Variants in CCDC85A observed in about 807,000 individuals in gnomAD.
CCDC85A encodes the protein coiled-coil domain-containing protein 85A.
In CCDC85A, 38 loss-of-function variants were observed where a neutral mutation model predicts 50.2. That is an observed-to-expected ratio of 0.76 (90% CI 0.58 to 0.99). The LOEUF is 0.99. Ranked by LOEUF, CCDC85A falls within the 50% of genes least tolerant of loss-of-function variation. CCDC85A has a pLI of 0.00. For missense variants in CCDC85A, 820 were observed against 742.0 expected (o/e 1.11, Z -1.22); for synonymous variants, 366 against 301.4 (o/e 1.21, Z -2.22).
intron 2 of CCDC85A, among the ~76,000 whole-genome samples, chr2:56,323,692 G>A (rs1159574312): frequency 6.6e-6 from 1 of 152,048 alleles, no homozygotes; most frequent in Non-Finnish European, 1.5e-5. Flanking sequence ...CTATACAAAA[G>A]GCTGATTGAC....
intron 2 of CCDC85A, among the ~76,000 whole-genome samples, chr2:56,280,062 C>T (rs1481375241): frequency 3.3e-5 from 5 of 152,322 alleles, no homozygotes; most frequent in Admixed American, 1.3e-4. Context: ...GAACTACATA[C>T]TATCCTCACC....
At chr2:56,301,621 C>G (rs930271238) in intron 2 of CCDC85A, among the ~76,000 whole-genome samples, 6 of 152,144 alleles carry the variant, frequency 3.9e-5, no homozygotes, top group African/African-American at 1.4e-4. Context: ...ACAGAGAATG[C>G]AGAATCTGAA....
At chr2:56,220,961 C>T (rs916526999) in intron 2 of CCDC85A, among the ~76,000 whole-genome samples, 1 of 151,986 alleles carries the variant, frequency 6.6e-6, no homozygotes, top group African/African-American at 2.4e-5. Flanking sequence ...CCCAGAGCCT[C>T]CAGCCCTGCT....
intron 3 of CCDC85A, among the ~76,000 whole-genome samples, chr2:56,368,253 T>C (rs1287997323): frequency 6.6e-6 from 1 of 152,186 alleles, no homozygotes; most frequent in Non-Finnish European, 1.5e-5. Context: ...TCTTTGGATA[T>C]AACCGACTAA....
chr2:56,278,548 A>T (rs13432878), intron 2 of CCDC85A, among the ~76,000 whole-genome samples: 1 of 151,966 alleles, frequency 6.6e-6, no homozygotes, highest in African/African-American at 2.4e-5. Context: ...TAGGCATGGG[A>T]GTAGCCTGGT....
chr2:56,234,778 G>T (rs954197981), intron 2 of CCDC85A, among the ~76,000 whole-genome samples: 3 of 152,038 alleles, frequency 2.0e-5, no homozygotes, highest in African/African-American at 7.2e-5. Flanking sequence ...TCCTTTACCT[G>T]AGTGTTTACA....
At chr2:56,265,569 G>T (rs989340204) in intron 2 of CCDC85A, among the ~76,000 whole-genome samples, 1 of 152,160 alleles carries the variant, frequency 6.6e-6, no homozygotes, top group Admixed American at 6.5e-5. Flanking sequence ...TATCATCAGA[G>T]AAATGCAAAT....
intron 2 of CCDC85A, among the ~76,000 whole-genome samples, chr2:56,195,423 G>A (rs752158794): frequency 6.6e-6 from 1 of 152,176 alleles, no homozygotes; most frequent in Non-Finnish European, 1.5e-5. Context: ...CAAATCTTAT[G>A]TCTACTTCAA....
chr2:56,376,326 T>G lies in CCDC85A; in HGVS notation c.1572+391T>G, dbSNP rs116308284. Among the ~76,000 whole-genome samples, 1,425 of 152,298 alleles carry G rather than the reference T, an allele frequency of 9.4e-3. 20 individuals carry two copies. The highest frequency in any genetic ancestry group is 0.032 in the African/African-American group (1,348 of 41,568). On this transcript the variant is annotated intron_variant, in intron 5 of 5. Transcript: ENST00000407595. Reference sequence around the variant, plus strand: ...GTCATAATATGGAAGGATACCACAGTATTCTTTCTTGATGCAATTGAAGTA... The same window carrying G: ...GTCATAATATGGAAGGATACCACAGGATTCTTTCTTGATGCAATTGAAGTA...
intron 2 of CCDC85A, among the ~76,000 whole-genome samples, chr2:56,318,065 C>A (rs866233865): frequency 5.3e-4 from 80 of 152,206 alleles, no homozygotes; most frequent in African/African-American, 1.7e-3. Context: ...TTATCTGTGC[C>A]TATCAATACA....
intron 2 of CCDC85A, among the ~76,000 whole-genome samples, chr2:56,244,704 C>T (rs1669423299): frequency 6.6e-6 from 1 of 151,764 alleles, no homozygotes; most frequent in South Asian, 2.1e-4. Flanking sequence ...ATCTGAGTCT[C>T]ACCCAAGGCC....
intron 3 of CCDC85A, among the ~76,000 whole-genome samples, chr2:56,359,908 A>G (rs1675436582): frequency 1.3e-5 from 2 of 152,196 alleles, no homozygotes; most frequent in South Asian, 4.1e-4. Flanking sequence ...GGAATCTGCA[A>G]GGTGCTTTCG....
chr2:56,297,399 T>TCA (rs1672002903), intron 2 of CCDC85A, among the ~76,000 whole-genome samples: 1 of 152,030 alleles, frequency 6.6e-6, no homozygotes, highest in African/African-American at 2.4e-5. Flanking sequence ...GAGCCTTTTT[T>TCA]TTTTTTTTTA....
In CCDC85A at chr2:56,302,844, G is replaced by T. The variant is rs144362309; in HGVS notation, c.1241-40035G>T. Among the ~76,000 whole-genome samples the T allele has an allele frequency of 1.6e-4, 24 of 152,178 alleles. No individual in the cohort carries two copies. The East Asian group carries it at 4.6e-3, about 29-fold the overall frequency. On this transcript the variant is annotated intron_variant, in intron 2 of 5. Coordinates refer to ENST00000407595, the MANE Select transcript of CCDC85A (RefSeq NM_001080433.2). ...CAGTCTAGTGTAAGAATTGAGAATG[G>T]GTCCTTAGTAAATCACAATTTCTTC...
intron 2 of CCDC85A, among the ~76,000 whole-genome samples, chr2:56,211,218 A>G (rs1677166138): frequency 6.6e-6 from 1 of 152,098 alleles, no homozygotes; most frequent in African/African-American, 2.4e-5. Context: ...GGGAGGCAGC[A>G]TGGACTTACA....
chr2:56,239,001 A>G (rs1669142389), intron 2 of CCDC85A, among the ~76,000 whole-genome samples: 1 of 152,176 alleles, frequency 6.6e-6, no homozygotes, highest in Non-Finnish European at 1.5e-5. Flanking sequence ...AAGAATATAA[A>G]GGATTGTTAT....
chr2:56,360,190 A>G (rs1424196913), intron 3 of CCDC85A, among the ~76,000 whole-genome samples: 1 of 152,264 alleles, frequency 6.6e-6, no homozygotes, highest in African/African-American at 2.4e-5. Flanking sequence ...TGCATTCACA[A>G]TGCTTGGTCA....
At chr2:56,383,629 A>G in intron 5 of CCDC85A, 1 of 985,178 alleles carries the variant, frequency 1.0e-6, no homozygotes, top group Non-Finnish European at 1.2e-6. Context: ...AATCCAAGAC[A>G]TCATATTGCT....
At chr2:56,197,563 T>C (rs1207846800) in intron 2 of CCDC85A, among the ~76,000 whole-genome samples, 1 of 152,180 alleles carries the variant, frequency 6.6e-6, no homozygotes, top group Non-Finnish European at 1.5e-5. Flanking sequence ...CAAAAAGAGC[T>C]CTCAGGTGAT....
Sources: allele counts gnomAD v4.1 joint callset (sites outside exome capture counted in the v4.1 genomes callset), GRCh38; gene constraint gnomAD v4.1.1; transcripts MANE v1.5; gene names NCBI Gene and HGNC (gene_info 2026-07-23, HGNC 2026-07-21).